The following ZNF385D variants were observed in gnomAD, a reference collection of about 807,000 sequenced individuals.
ZNF385D encodes the protein zinc finger protein 385D, also known as zinc finger protein 659.
In ZNF385D, 15 loss-of-function variants were observed where a neutral mutation model predicts 35.8. The ratio of observed to expected loss-of-function variants is 0.42; its 90% confidence interval spans 0.28 to 0.64. The LOEUF (loss-of-function observed/expected upper bound fraction) is 0.64, where lower values mean the gene tolerates loss of function less well. Among genes scored for constraint, ZNF385D ranks in the 30% least tolerant of loss-of-function variants. The probability of loss-of-function intolerance (pLI) is 0.23; values close to 1 mark genes in which losing one functional copy is unlikely to be tolerated. For synonymous variants in ZNF385D, 212 were observed against 186.8 expected (o/e 1.13, Z -1.10); for missense variants, 474 against 494.6 (o/e 0.96, Z 0.39).
chr3:22,286,467 C>A (rs1702029798), intron 2 of ZNF385D, among the ~76,000 whole-genome samples: 1 of 151,770 alleles, frequency 6.6e-6, no homozygotes, highest in South Asian at 2.1e-4. Context: ...TCCTCTTTTC[C>A]TAGTTCTTTG....
At chr3:22,022,740 T>A (rs1697298461) in intron 3 of ZNF385D, among the ~76,000 whole-genome samples, 1 of 152,022 alleles carries the variant, frequency 6.6e-6, no homozygotes, top group Non-Finnish European at 1.5e-5. Context: ...GACCAGAAAT[T>A]GAGATGGAAA....
intron 3 of ZNF385D, among the ~76,000 whole-genome samples, chr3:21,924,904 C>T (rs1256008334): frequency 6.6e-6 from 1 of 152,136 alleles, no homozygotes; most frequent in Non-Finnish European, 1.5e-5. Flanking sequence ...GTGGTGCCCT[C>T]CTTCTCCTGC....
chr3:22,013,081 C>A (rs920618632), intron 3 of ZNF385D, among the ~76,000 whole-genome samples: 5 of 151,992 alleles, frequency 3.3e-5, no homozygotes, highest in African/African-American at 1.2e-4. Flanking sequence ...TAAGCTCAAA[C>A]AGAATGTAAA....
At chr3:21,842,350 G>T (rs1341292446) in intron 3 of ZNF385D, among the ~76,000 whole-genome samples, 1 of 151,924 alleles carries the variant, frequency 6.6e-6, no homozygotes, top group East Asian at 1.9e-4. Flanking sequence ...AAGGGAAGGA[G>T]AATGAATTTT....
intron 3 of ZNF385D, among the ~76,000 whole-genome samples, chr3:21,939,378 T>G (rs1011841491): frequency 4.6e-5 from 7 of 151,980 alleles, no homozygotes; most frequent in African/African-American, 1.7e-4. Flanking sequence ...AAGGTAAGAG[T>G]GGTGAAAATG....
chr3:22,325,824 A>T (rs911168363), intron 2 of ZNF385D, among the ~76,000 whole-genome samples: 2 of 144,932 alleles, frequency 1.4e-5, no homozygotes, highest in Admixed American at 1.4e-4. Flanking sequence ...GGGAACAAAA[A>T]GAATCACATT....
chr3:22,215,284 A>G (rs1697797645), intron 2 of ZNF385D, among the ~76,000 whole-genome samples: 1 of 152,076 alleles, frequency 6.6e-6, no homozygotes, highest in African/African-American at 2.4e-5. Flanking sequence ...GGAACAAGAG[A>G]GATAACCTTA....
intron 2 of ZNF385D, among the ~76,000 whole-genome samples, chr3:21,614,119 A>C (rs1454051955): frequency 6.6e-6 from 1 of 152,186 alleles, no homozygotes; most frequent in Non-Finnish European, 1.5e-5. Context: ...AATACCACAG[A>C]CTGGGTGGCT....
chr3:22,173,330 T>G (rs1454604035), intron 2 of ZNF385D, among the ~76,000 whole-genome samples: 9 of 152,196 alleles, frequency 5.9e-5, no homozygotes, highest in Admixed American at 3.9e-4. Context: ...TTAATAATAA[T>G]GTATTATTAG....
At chr3:22,071,836 C>G (rs1405828) in intron 3 of ZNF385D, among the ~76,000 whole-genome samples, 150,987 of 152,184 alleles carry the variant, frequency 0.99, 74,905 homozygotes, top group Middle Eastern at 1. Flanking sequence ...CAATCATACT[C>G]TTTTTGCTCT....
chr3:22,261,244 G>A (rs576899688), intron 2 of ZNF385D, among the ~76,000 whole-genome samples: 16 of 152,020 alleles, frequency 1.1e-4, no homozygotes, highest in Middle Eastern at 6.8e-3. Flanking sequence ...TATTCAAGTA[G>A]TAGGAGGAGA....
At chr3:21,636,837 C>A (rs2065465186) in intron 2 of ZNF385D, among the ~76,000 whole-genome samples, 1 of 151,916 alleles carries the variant, frequency 6.6e-6, no homozygotes, top group Non-Finnish European at 1.5e-5. Context: ...TGATTTGCAT[C>A]TTCCTGATCA....
At chr3:22,123,337 T>C (rs1703211010) in intron 3 of ZNF385D, among the ~76,000 whole-genome samples, 1 of 152,196 alleles carries the variant, frequency 6.6e-6, no homozygotes, top group African/African-American at 2.4e-5. Flanking sequence ...TTTTAAAATC[T>C]TTATGGGTAC....
At chr3:22,105,401 A>G (rs970059773) in intron 3 of ZNF385D, among the ~76,000 whole-genome samples, 3 of 152,192 alleles carry the variant, frequency 2.0e-5, no homozygotes, top group East Asian at 1.9e-4. Flanking sequence ...GTATACATAT[A>G]TAAATACATA....
chr3:21,519,257 T>C (rs1466327537), intron 3 of ZNF385D, among the ~76,000 whole-genome samples: 1 of 152,142 alleles, frequency 6.6e-6, no homozygotes, highest in Non-Finnish European at 1.5e-5. Flanking sequence ...TCAGATACAT[T>C]TGGTAACTAA....
rs986924948 is a variant in ZNF385D, at chr3:21,489,945, C to T, written c.439+20916G>A. On this transcript the variant is annotated intron_variant, in intron 4 of 7. Transcript: ENST00000281523. ...AACCTTCTTCTGACCACTTGAGAGG[C>T]TACCATTCATCCTTTACATAAGTTC... Among the ~76,000 whole-genome samples the T allele has an allele frequency of 3.3e-5, 5 of 152,268 alleles. No homozygotes were observed. The South Asian group carries it at 1.0e-3, about 32-fold the overall frequency.
chr3:22,334,026 A>G (rs557049748), intron 2 of ZNF385D, among the ~76,000 whole-genome samples: 126 of 152,296 alleles, frequency 8.3e-4, no homozygotes, highest in Admixed American at 8.0e-3. Context: ...TGCTTATTTC[A>G]TCTTACCTAG....
intron 3 of ZNF385D, among the ~76,000 whole-genome samples, chr3:21,940,880 A>G (rs1701484034): frequency 6.6e-6 from 1 of 152,218 alleles, no homozygotes; most frequent in African/African-American, 2.4e-5. Flanking sequence ...AATAGTACCA[A>G]CTTTGTAAGA....
intron 2 of ZNF385D, among the ~76,000 whole-genome samples, chr3:21,641,092 G>T (rs938888178): frequency 6.6e-6 from 1 of 152,074 alleles, no homozygotes; most frequent in South Asian, 2.1e-4. Flanking sequence ...CAAATTCTCA[G>T]CAATATCGTA....
Sources: gnomAD v4.1 joint callset for allele counts (sites outside exome capture counted in the v4.1 genomes callset) on GRCh38, gnomAD v4.1.1 for gene constraint, MANE v1.5 for transcripts, NCBI Gene and HGNC (gene_info 2026-07-23, HGNC 2026-07-21) for gene names.